Variants in MYBPC3 observed in about 807,000 individuals in gnomAD.
MYBPC3 encodes myosin binding protein C3.
MYBPC3 carries 108 observed loss-of-function variants against 159.3 expected under a neutral mutation model. The observed-to-expected ratio is 0.68, with a 90% CI of 0.58 to 0.80. The LOEUF is 0.80. Among genes scored for constraint, MYBPC3 ranks in the 30% least tolerant of loss-of-function variants. MYBPC3 has a pLI of 0.00. For synonymous variants in MYBPC3, 730 were observed against 702.0 expected (o/e 1.04, Z -0.63); for missense variants, 1,631 against 1,762.1 (o/e 0.93, Z 1.33).
In MYBPC3 at chr11:47,351,582, A is replaced by T; in HGVS notation, c.26-77T>A. The T allele has an allele frequency of 6.9e-7, 1 of 1,439,012 alleles. No individual in the cohort carries two copies. Among genetic ancestry groups the T allele is most frequent in the Non-Finnish European group, 9.2e-7 (1 of 1,082,348 alleles). 89.1% of individuals were successfully genotyped at this position (1,439,012 alleles called of 1,614,324 possible). A position where few individuals can be genotyped will look rare whatever the true frequency, so the allele number is the denominator to read the frequency against. ...GCCCCTGCAGCCCCTCTCAGTAAAT[A>T]CTGTGCTAGCACTTTCTATGCATCC... On this transcript the variant is annotated intron_variant, in intron 1 of 34. Transcript: ENST00000545968. This position sits in a 1 kb window ranked among gnomAD's most constrained non-coding sequence, Gnocchi z 4.2.
rs373642449 is a variant in MYBPC3, at chr11:47,351,548, G to A, written c.26-43C>T. On this transcript the variant is annotated intron_variant, in intron 1 of 34. Coordinates refer to ENST00000545968, the MANE Select transcript of MYBPC3 (RefSeq NM_000256.3). This position sits in a 1 kb window ranked among gnomAD's most constrained non-coding sequence, Gnocchi z 4.2. ...GGCTACAGCGGCCCCTGGTTGGAGC[G>A]TGCACCCCGCCCCTGCAGCCCCTCT... is the stretch of plus-strand genomic sequence containing the variant. 18 of 1,529,116 alleles carry A rather than the reference G, an allele frequency of 1.2e-5. No individual in the cohort carries two copies. Among genetic ancestry groups the A allele is most frequent in the Middle Eastern group, 1.8e-4 (1 of 5,562 alleles). 94.7% of individuals were successfully genotyped at this position (1,529,116 alleles called of 1,614,324 possible).
chr11:47,332,677 A>G lies in MYBPC3; in HGVS notation c.3516T>C (p.Tyr1172=), dbSNP rs1332633592. 6.2e-7 allele frequency: 1 copy of G among 1,612,410 alleles called. No individual in the cohort carries two copies. Among genetic ancestry groups the G allele is most frequent in the African/African-American group, 1.3e-5 (1 of 74,892 alleles). ...RPGITYEPPN[Y]KALDFSEAPS... The stretch of plus-strand genomic sequence containing the variant: ...GGGCCTCGGAGAAGTCCAGGGCCTT[A>G]TAGTTGGGTGGCTCATAGGTGATGC... The change falls in exon 32 of 35, where the codon TAT becomes TAC. Residue 1172 remains tyrosine (Y), a synonymous_variant. Coordinates refer to ENST00000545968, the MANE Select transcript of MYBPC3 (RefSeq NM_000256.3). This position sits in a 1 kb window ranked among gnomAD's most constrained non-coding sequence, Gnocchi z 4.2.
chr11:47,340,323 T>TA (rs1408113360), intron 20 of MYBPC3, among the ~76,000 whole-genome samples: 1 of 152,084 alleles, frequency 6.6e-6, no homozygotes, highest in South Asian at 2.1e-4. Context: ...ATGCACACAT[T>TA]AAAAAGGTTC....
chr11:47,338,483 C>G lies in MYBPC3; in HGVS notation c.2308+37G>C, dbSNP rs757656350. On this transcript the variant is annotated intron_variant, in intron 23 of 34. Transcript: ENST00000545968. This position sits in a 1 kb window ranked among gnomAD's most constrained non-coding sequence, Gnocchi z 4.7. ...GGATGGGCCCTCCTTGGGGCTGCCC[C>G]TCTGTGTTCTCCAGCTTGGACCCCG... 1.2e-5 allele frequency: 19 copies of G among 1,613,404 alleles called. No individual in the cohort carries two copies. Among genetic ancestry groups the G allele is most frequent in the Non-Finnish European group, 1.6e-5 (19 of 1,179,690 alleles).
chr11:47,347,999 C>G, intron 6 of MYBPC3, 94 bp from the exon 7 acceptor site: 1 of 1,236,652 alleles, frequency 8.1e-7, no homozygotes, highest in Non-Finnish European at 1.2e-6. Context: ...TATTCACAGA[C>G]TTGCCCATTC....
chr11:47,350,375 T>C lies in MYBPC3; in HGVS notation c.406+127A>G, dbSNP rs913732757. 7 of 1,456,618 alleles carry C rather than the reference T, an allele frequency of 4.8e-6. No individual in the cohort carries two copies. In the African/African-American group the frequency reaches 8.7e-5, roughly 18 times the overall value. The allele number at this position is 1,456,618 out of a possible 1,614,324, so 90.2% of individuals were successfully genotyped here. On this transcript the variant is annotated intron_variant, in intron 3 of 34. Coordinates refer to ENST00000545968, the MANE Select transcript of MYBPC3 (RefSeq NM_000256.3). ...CTCCTGACCTCATGATCCGCCCACC[T>C]CGGCCTCCCAAAGTACTGGGGATTA...
At chr11:47,350,157 T>A in intron 3 of MYBPC3, 45 bp from the exon 4 acceptor site, 16 of 1,533,268 alleles carry the variant, frequency 1.0e-5, no homozygotes, top group Non-Finnish European at 1.4e-5. Flanking sequence ...GGAGTCTTGC[T>A]CTGTCACCCA....
intron 3 of MYBPC3, 125 bp downstream of exon 3, chr11:47,350,377 G>T: frequency 1.4e-6 from 2 of 1,454,768 alleles, no homozygotes; most frequent in Non-Finnish European, 1.8e-6. Context: ...CGCCCACCTC[G>T]GCCTCCCAAA....
chr11:47,343,226 C>T (rs374926939), intron 14 of MYBPC3, 34 bp downstream of exon 14: 74 of 1,573,572 alleles, frequency 4.7e-5, no homozygotes, highest in Middle Eastern at 3.4e-4. Context: ...AATCCCTGTG[C>T]CCCCCACCCC....
chr11:47,338,776 AAC>A lies in MYBPC3; in HGVS notation c.2149-99_2149-98del, dbSNP rs1187139979. On this transcript the variant is annotated intron_variant, in intron 22 of 34. Coordinates refer to ENST00000545968, the MANE Select transcript of MYBPC3 (RefSeq NM_000256.3). This position sits in a 1 kb window ranked among gnomAD's most constrained non-coding sequence, Gnocchi z 4.7. ...AGATGTCCCGGGGGTCCATGGGGGG[AAC>A]ACAGCCTGTGGGAAGACTGCATCCA... 4 of 1,374,980 alleles carry A rather than the reference AAC, an allele frequency of 2.9e-6. No homozygotes were observed. In the Admixed American group the frequency reaches 9.8e-5, roughly 34 times the overall value. 85.2% of individuals were successfully genotyped at this position (1,374,980 alleles called of 1,614,324 possible). A position where few individuals can be genotyped will look rare whatever the true frequency, so the allele number is the denominator to read the frequency against.
In MYBPC3 at chr11:47,337,759, T is replaced by C; in HGVS notation, c.2344A>G (p.Asn782Asp). 6.4e-7 allele frequency: 1 copy of C among 1,554,910 alleles called. No homozygotes were observed. The highest frequency in any genetic ancestry group is 8.7e-7 in the Non-Finnish European group (1 of 1,149,114). ...ACTGTGCAGGAGTCCTCTCCCACGT[T>C]GCTGATCTTGGGGGCCGCAGGTGCG... Reference protein sequence around the residue: ...PDAPAAPKISNVGEDSCTVQW... With the variant: ...PDAPAAPKISDVGEDSCTVQW... Residue 782 changes from asparagine (N) to aspartate (D), a missense_variant, in exon 24 of 35, where the codon AAC becomes GAC. Coordinates refer to ENST00000545968, the MANE Select transcript of MYBPC3 (RefSeq NM_000256.3).
chr11:47,333,168 G>A (rs755368010), intron 30 of MYBPC3, 26 bp downstream of exon 30: 5 of 1,595,588 alleles, frequency 3.1e-6, no homozygotes, highest in Admixed American at 3.4e-5. Flanking sequence ...CAGGGTGCAC[G>A]TGGGGACCCC....
intron 1 of MYBPC3, among the ~76,000 whole-genome samples, chr11:47,352,046 C>G (rs1428583556): frequency 1.3e-5 from 2 of 152,110 alleles, no homozygotes; most frequent in Non-Finnish European, 2.9e-5. Flanking sequence ...TTTCCCTGCC[C>G]TTGGCCTGGG....
chr11:47,350,395 G>A lies in MYBPC3; in HGVS notation c.406+107C>T, dbSNP rs904878095. 3.3e-6 allele frequency: 5 copies of A among 1,504,414 alleles called. No individual in the cohort carries two copies. The African/African-American group carries it at 5.7e-5, about 17-fold the overall frequency. The allele number at this position is 1,504,414 out of a possible 1,614,324, so 93.2% of individuals were successfully genotyped here. A position where few individuals can be genotyped will look rare whatever the true frequency, so the allele number is the denominator to read the frequency against. ...CCACCTCGGCCTCCCAAAGTACTGG[G>A]GATTATAGGCCTGAGCCACCGCACC... On this transcript the variant is annotated intron_variant, in intron 3 of 34. Coordinates refer to ENST00000545968, the MANE Select transcript of MYBPC3 (RefSeq NM_000256.3).
At chr11:47,342,960 G>A (rs1469326786) in intron 15 of MYBPC3, 25 bp from the exon 16 acceptor site, 4 of 1,611,586 alleles carry the variant, frequency 2.5e-6, no homozygotes, top group Non-Finnish European at 3.4e-6. Context: ...TGAGCATGAG[G>A]GTTGGCTCCC....
chr11:47,343,460 AC>A, intron 13 of MYBPC3, 31 bp downstream of exon 13: 1 of 1,511,706 alleles, frequency 6.6e-7, no homozygotes, highest in Non-Finnish European at 8.9e-7. Flanking sequence ...CCCCACCTCC[AC>A]CCGAGCCCCC....
Position 47,346,155 on chromosome 11 carries a change from T to C in MYBPC3, c.1090+52A>G. ...AACCTATGCCCTCTCCTCTCCTGTGTAGGGAAGGGCTAGCCTGTGCCCTCT... is the reference window on the plus strand; with the variant it reads ...AACCTATGCCCTCTCCTCTCCTGTGCAGGGAAGGGCTAGCCTGTGCCCTCT... On this transcript the variant is annotated intron_variant, in intron 12 of 34. Coordinates refer to ENST00000545968, the MANE Select transcript of MYBPC3 (RefSeq NM_000256.3). This position sits in a 1 kb window ranked among gnomAD's most constrained non-coding sequence, Gnocchi z 5.3. The C allele has an allele frequency of 6.2e-7, 1 of 1,607,048 alleles. No homozygotes were observed. Among genetic ancestry groups the C allele is most frequent in the East Asian group, 2.2e-5 (1 of 44,778 alleles).
Position 47,333,305 on chromosome 11 carries a change from C to A in MYBPC3, c.3219G>T (p.Arg1073=). ...CATTAAGACCCCAGGCGTCAGTCAC[C>A]CGGAGATCCTGGGGAGGACTTGGCT... ...VDKPSPPQDL[R]VTDAWGLNVA... Residue 1073 remains arginine (R), a synonymous_variant, in exon 30 of 35, where the codon CGG becomes CGT. Coordinates refer to ENST00000545968, the MANE Select transcript of MYBPC3 (RefSeq NM_000256.3). 1 of 1,588,614 alleles carries A rather than the reference C, an allele frequency of 6.3e-7. No homozygotes were observed. Among genetic ancestry groups the A allele is most frequent in the Non-Finnish European group, 8.6e-7 (1 of 1,166,636 alleles).
chr11:47,333,993 G>T lies in MYBPC3; in HGVS notation c.2923C>A (p.Leu975Met), dbSNP rs1490755816. 3 of 1,581,196 alleles carry T rather than the reference G, an allele frequency of 1.9e-6. No homozygotes were observed. The highest frequency in any genetic ancestry group is 1.2e-5 in the South Asian group (1 of 86,288). The change falls in exon 28 of 35, where the codon CTG (leucine) becomes ATG (methionine). Residue 975 changes from leucine to methionine, a missense_variant. Leu to Met is a conservative substitution (Grantham distance 15, BLOSUM62 2). Coordinates refer to ENST00000545968, the MANE Select transcript of MYBPC3 (RefSeq NM_000256.3). The part of the protein sequence containing the change: ...QEILQRPRLQ[L>M]PRHLRQTIQK... ...ATGGTCTGGCGCAGGTGCCTGGGCAGCTGAAGCCGTGGCCGTTCTGTGGGT... is the reference window on the plus strand; with the variant it reads ...ATGGTCTGGCGCAGGTGCCTGGGCATCTGAAGCCGTGGCCGTTCTGTGGGT...
Sources: allele counts gnomAD v4.1 joint callset (sites outside exome capture counted in the v4.1 genomes callset), GRCh38; gene constraint gnomAD v4.1.1; non-coding constraint Gnocchi (gnomAD v3.1); transcripts MANE v1.5; gene names NCBI Gene and HGNC (gene_info 2026-07-23, HGNC 2026-07-21).